RYR2: variants seen among roughly 807,000 people sequenced by gnomAD.
The protein encoded by RYR2 is ryanodine receptor 2.
Under a neutral mutation model 601.1 loss-of-function variants are expected in RYR2, and 227 were observed. That is an observed-to-expected ratio of 0.38 (90% CI 0.34 to 0.42). RYR2 has a LOEUF of 0.42. RYR2 is among the 10% of genes least tolerant of loss of function. The probability of loss-of-function intolerance (pLI) is 1.00; values close to 1 mark genes in which losing one functional copy is unlikely to be tolerated. For synonymous variants in RYR2, 2,223 were observed against 2,175.1 expected, an observed-to-expected ratio of 1.02 and a Z score of -0.61; for missense variants, 4,646 against 6,156.5, an observed-to-expected ratio of 0.75 and a Z score of 8.21.
intron 18 of RYR2, 81 bp downstream of exon 18, chr1:237,492,005 T>C (rs1663402272): frequency 1.4e-6 from 1 of 710,306 alleles, no homozygotes; most frequent in South Asian, 1.7e-5. Context: ...TTTTAAAAAG[T>C]GTGTCAAATT....
At chr1:237,167,733 T>TA (rs1395861354) in intron 1 of RYR2, among the ~76,000 whole-genome samples, 3 of 104,032 alleles carry the variant, frequency 2.9e-5, no homozygotes, top group African/African-American at 8.2e-5. Flanking sequence ...TTTTTTTTTT[T>TA]AAATTTAGAG....
At chr1:237,388,701 C>A (rs1483342940) in intron 10 of RYR2, among the ~76,000 whole-genome samples, 2 of 152,000 alleles carry the variant, frequency 1.3e-5, no homozygotes, top group African/African-American at 4.8e-5. Context: ...GACAAGATTA[C>A]AATAGTATGA....
chr1:237,544,079 A>G (rs1041214710), intron 25 of RYR2, among the ~76,000 whole-genome samples: 2 of 152,168 alleles, frequency 1.3e-5, no homozygotes, highest in Admixed American at 6.5e-5. Flanking sequence ...ATTACTCTCA[A>G]TGTTGTTGTT....
chr1:237,664,972 T>C (rs145454272), intron 56 of RYR2, among the ~76,000 whole-genome samples: 10 of 152,364 alleles, frequency 6.6e-5, no homozygotes, highest in African/African-American at 1.7e-4. Flanking sequence ...AATGATAGTA[T>C]ACTAACAATG....
At chr1:237,464,792 G>A (rs776613531) in intron 16 of RYR2, among the ~76,000 whole-genome samples, 9 of 152,080 alleles carry the variant, frequency 5.9e-5, no homozygotes, top group Non-Finnish European at 8.8e-5. Flanking sequence ...TACATTGTGG[G>A]CCTCTATCCT....
chr1:237,831,931 A>C (rs1663840638), intron 104 of RYR2, among the ~76,000 whole-genome samples: 1 of 152,188 alleles, frequency 6.6e-6, no homozygotes, highest in African/African-American at 2.4e-5. Context: ...TAAATGCCTA[A>C]GGTGTTTAAG....
intron 1 of RYR2, among the ~76,000 whole-genome samples, chr1:237,176,266 A>ATAT (rs1558371851): frequency 0.031 from 637 of 20,756 alleles, 6 homozygotes; most frequent in South Asian, 0.13. Context: ...TATATATATA[A>ATAT]AAAATGAAAT....
Position 237,819,300 on chromosome 1 carries a change from C to A in RYR2, c.14590+108C>A. 3 of 1,039,136 alleles carry A rather than the reference C, an allele frequency of 2.9e-6. No individual in the cohort carries two copies. Among genetic ancestry groups the A allele is most frequent in the South Asian group, 1.5e-5 (1 of 65,764 alleles). 64.4% of individuals were successfully genotyped at this position (1,039,136 alleles called of 1,614,324 possible). On this transcript the variant is annotated intron_variant, in intron 101 of 104. Transcript: ENST00000366574. The surrounding 1 kb of genome is among the most constrained non-coding windows in gnomAD (Gnocchi z 4.0). ...TGACGTCAAGTGTTTCCTGGCAAAG[C>A]CAAATCAAACTTTTCCTTCCAGTAT...
At chr1:237,628,199 T>C (rs974637666) in intron 41 of RYR2, 119 bp downstream of exon 41, 9 of 1,164,082 alleles carry the variant, frequency 7.7e-6, no homozygotes, top group Admixed American at 2.9e-5. Context: ...ACGATTATTA[T>C]ACTAAATAGC....
In RYR2 at chr1:237,732,051, T is replaced by G. The variant is rs370332882; in HGVS notation, c.10941T>G (p.Pro3647=). The part of the protein sequence containing the change: ...EDKLIEDLAK[P]GAEPPEEDEG... ...TAAATTTGACTTTTTTGCAGAAACC[T>G]GGGGCTGAACCTCCAGAAGAAGATG... is the stretch of plus-strand genomic sequence containing the variant. The change falls in exon 78 of 105, where the codon CCT becomes CCG. Residue 3647 remains proline (P), a synonymous_variant. Transcript: ENST00000366574. The G allele has an allele frequency of 5.9e-4, 944 of 1,598,346 alleles. 2 individuals are homozygous for G. The highest frequency in any genetic ancestry group is 6.8e-4 in the Non-Finnish European group (798 of 1,171,832).
At chr1:237,475,361 A>T (rs922490) in intron 17 of RYR2, among the ~76,000 whole-genome samples, 75,630 of 151,776 alleles carry the variant, frequency 0.5, 19,934 homozygotes, top group East Asian at 0.7. Context: ...GGGGTTTTTT[A>T]ATCTTTTAAT....
chr1:237,386,369 T>G (rs2149838707), intron 8 of RYR2, among the ~76,000 whole-genome samples: 1 of 152,344 alleles, frequency 6.6e-6, no homozygotes, highest in Middle Eastern at 3.4e-3. Flanking sequence ...CTAAGGTGAC[T>G]ACTTTAGGCG....
chr1:237,425,495 G>A (rs527343704), intron 12 of RYR2, among the ~76,000 whole-genome samples: 10 of 152,048 alleles, frequency 6.6e-5, no homozygotes, highest in East Asian at 1.9e-4. Context: ...TTAGTCGGGC[G>A]TGGTGACATG....
intron 11 of RYR2, among the ~76,000 whole-genome samples, chr1:237,418,721 A>G (rs1705256628): frequency 6.6e-6 from 1 of 152,036 alleles, no homozygotes. Context: ...CTCCTCTGCA[A>G]CAAAAATATT....
intron 72 of RYR2, 115 bp downstream of exon 72, chr1:237,717,483 T>A: frequency 1.1e-6 from 1 of 910,864 alleles, no homozygotes; most frequent in South Asian, 2.6e-5. Flanking sequence ...CATGTTTTAT[T>A]AAGCAGGTTT....
intron 83 of RYR2, 92 bp from the exon 84 acceptor site, chr1:237,760,863 C>G (rs1693372867): frequency 2.7e-6 from 2 of 750,972 alleles, no homozygotes; most frequent in East Asian, 5.5e-5. Flanking sequence ...GCTTCATCTT[C>G]CAAGATATAT....
In RYR2 at chr1:237,680,563, A is replaced by G. The variant is rs1185020832; in HGVS notation, c.9003A>G (p.Lys3001=). 2.5e-6 allele frequency: 4 copies of G among 1,603,106 alleles called. No individual in the cohort carries two copies. In the African/African-American group the frequency reaches 5.3e-5, roughly 21 times the overall value. The change falls in exon 62 of 105, where the codon AAA becomes AAG. Residue 3001 remains lysine (K), a synonymous_variant. Coordinates refer to ENST00000366574, the MANE Select transcript of RYR2 (RefSeq NM_001035.3). ...GAGGACATGCTTCCAACAAAGAGAA[A>G]GAAATGGTGACTAGGTAAACAGCTA... The part of the protein sequence containing the change: ...CSGGHASNKE[K]EMVTSLFCKL...
At chr1:237,244,818 G>A (rs201693085) in intron 1 of RYR2, among the ~76,000 whole-genome samples, 15 of 143,336 alleles carry the variant, frequency 1.0e-4, no homozygotes, top group South Asian at 4.4e-4. Flanking sequence ...ACAACGTACC[G>A]CTTGAATTTT....
In RYR2 at chr1:237,707,054, C is replaced by T. The variant is rs1688441480; in HGVS notation, c.9686C>T (p.Thr3229Ile). 3 of 1,613,556 alleles carry T rather than the reference C, an allele frequency of 1.9e-6. No individual in the cohort carries two copies. The highest frequency in any genetic ancestry group is 2.5e-6 in the Non-Finnish European group (3 of 1,179,626). Residue 3229 changes from threonine (T) to isoleucine (I), a missense_variant, in exon 68 of 105, where the codon ACT becomes ATT. Coordinates refer to ENST00000366574, the MANE Select transcript of RYR2 (RefSeq NM_001035.3). ...VELAESGIRY[T>I]QMPHVMEVIL... ...TTAGCCGAGTCCGGCATTCGCTACA[C>T]TCAAATGCCACATGTCATGGAAGTC...
Sources: gnomAD v4.1 joint callset for allele counts (sites outside exome capture counted in the v4.1 genomes callset) on GRCh38, gnomAD v4.1.1 for gene constraint, Gnocchi (gnomAD v3.1) non-coding constraint, MANE v1.5 for transcripts, NCBI Gene and HGNC (gene_info 2026-07-23, HGNC 2026-07-21) for gene names.